Variants in PISD observed in about 807,000 individuals in gnomAD.
The protein encoded by PISD is phosphatidylserine decarboxylase proenzyme, mitochondrial.
In PISD, 31 loss-of-function variants were observed where a neutral mutation model predicts 43.5. That is an observed-to-expected ratio of 0.71 (90% CI 0.54 to 0.96). The LOEUF is 0.96. Ranked by LOEUF, PISD falls within the 40% of genes least tolerant of loss-of-function variation. PISD has a pLI of 0.00. For synonymous variants in PISD, 259 were observed against 228.7 expected, an observed-to-expected ratio of 1.13 and a Z score of -1.20; for missense variants, 523 against 548.4, an observed-to-expected ratio of 0.95 and a Z score of 0.46.
At chr22:31,654,158 C>A (rs1370796814) in intron 1 of PISD, among the ~76,000 whole-genome samples, 1 of 152,172 alleles carries the variant, frequency 6.6e-6, no homozygotes, top group Non-Finnish European at 1.5e-5. Flanking sequence ...CACCAATGCA[C>A]ACACATATCT....
At chr22:31,623,518 G>C (rs548455931) in intron 3 of PISD, among the ~76,000 whole-genome samples, 1 of 152,292 alleles carries the variant, frequency 6.6e-6, no homozygotes, top group East Asian at 1.9e-4. Flanking sequence ...CTTCTCAAAA[G>C]CTGCCTTGGC....
At chr22:31,633,219 G>A (rs935512991) in intron 3 of PISD, among the ~76,000 whole-genome samples, 17 of 152,122 alleles carry the variant, frequency 1.1e-4, no homozygotes, top group African/African-American at 3.6e-4. Flanking sequence ...CCCTGGGGAC[G>A]GAACAAAACC....
intron 1 of PISD, among the ~76,000 whole-genome samples, chr22:31,658,752 C>G (rs1031088174): frequency 6.6e-6 from 1 of 151,868 alleles, no homozygotes; most frequent in Non-Finnish European, 1.5e-5. Flanking sequence ...AGGTTGGTCT[C>G]GAACTCTTGG....
At chr22:31,637,143 TAAAAAAAAA>T (rs1170100945) in intron 3 of PISD, among the ~76,000 whole-genome samples, 725 of 31,288 alleles carry the variant, frequency 0.023, 21 homozygotes, top group Middle Eastern at 0.043. Flanking sequence ...ATAAATAAAT[TAAAAAAAAA>T]AAAAAAAAAA....
rs1184421594 is a variant in PISD at position 31,637,161 on chromosome 22, AAAAATATATATATATATATATAT to A, written c.321+10917_321+10939del. 5.7e-3 allele frequency among the ~76,000 whole-genome samples: 133 copies of A among 23,318 alleles called. 3 individuals are homozygous for A. In the East Asian group the frequency reaches 0.06, roughly 10 times the overall value. The allele number at this position is 23,318 out of a possible 152,430, so 15.3% of individuals were successfully genotyped here. A position where few individuals can be genotyped will look rare whatever the true frequency, so the allele number is the denominator to read the frequency against. Reference sequence around the variant, plus strand: ...AATAAATTAAAAAAAAAAAAAAAAAAAAAATATATATATATATATATATATATATATATATATATATATATAGA... The same window carrying A: ...AATAAATTAAAAAAAAAAAAAAAAAAATATATATATATATATATATATAGA... On this transcript the variant is annotated intron_variant, in intron 3 of 7. Coordinates refer to ENST00000439502, the MANE Select transcript of PISD (RefSeq NM_001326411.2).
chr22:31,623,597 C>T (rs887353700), intron 3 of PISD: 4 of 1,315,012 alleles, frequency 3.0e-6, no homozygotes, highest in Non-Finnish European at 4.2e-6. Flanking sequence ...CTTCTGACAG[C>T]TCGCCACCAC....
intron 3 of PISD, chr22:31,625,856 C>T: frequency 6.4e-7 from 1 of 1,573,354 alleles, no homozygotes. Context: ...CACTCGATCA[C>T]TCCCTTTGTT....
intron 1 of PISD, among the ~76,000 whole-genome samples, chr22:31,659,545 A>G (rs556397161): frequency 6.6e-6 from 1 of 151,982 alleles, no homozygotes; most frequent in Admixed American, 6.6e-5. Context: ...CAGAGCCCCA[A>G]CTTATATCTA....
In PISD at chr22:31,618,510, T is replaced by TATTTC; in HGVS notation, c.*1097_*1101dup. On this transcript the variant is annotated 3_prime_UTR_variant, in exon 8 of 8. Coordinates refer to ENST00000439502, the MANE Select transcript of PISD (RefSeq NM_001326411.2). ...ACACAGTTTTAAGTTTGATTTTTTT[T>TATTTC]ATTTCAAAATGCTTTGCAATTAAAT... The TATTTC allele has an allele frequency of 8.0e-7, 1 of 1,242,990 alleles. No homozygotes were observed. Among genetic ancestry groups the TATTTC allele is most frequent in the Non-Finnish European group, 1.1e-6 (1 of 944,094 alleles). 77.0% of individuals were successfully genotyped at this position (1,242,990 alleles called of 1,614,324 possible).
intron 3 of PISD, chr22:31,629,242 G>GGTGCATGTAGGTGGAAGTGTGT: frequency 1.0e-6 from 1 of 985,086 alleles, no homozygotes; most frequent in Non-Finnish European, 1.2e-6. Flanking sequence ...GTGAGGGGTA[G>GGTGCATGTAGGTGGAAGTGTGT]GTGCATGTAG....
chr22:31,645,620 C>T (rs1263876271), intron 3 of PISD, among the ~76,000 whole-genome samples: 2 of 146,798 alleles, frequency 1.4e-5, no homozygotes, highest in African/African-American at 4.9e-5. Flanking sequence ...TCAGGTGATC[C>T]ACCCGCCTCA....
At chr22:31,628,099 G>C in intron 3 of PISD, 1 of 985,516 alleles carries the variant, frequency 1.0e-6, no homozygotes. Context: ...CCGAGACCAG[G>C]GTGTCAGTGC....
chr22:31,628,562 T>C lies in PISD; in HGVS notation c.322-6677A>G, dbSNP rs538594364. On this transcript the variant is annotated intron_variant, in intron 3 of 7. Coordinates refer to ENST00000439502, the MANE Select transcript of PISD (RefSeq NM_001326411.2). Reference sequence around the variant, plus strand: ...TGTCACTACATGGCCTAAGGGCCAGTCACCTGCAACATGAGAACTCAGAGG... The same window carrying C: ...TGTCACTACATGGCCTAAGGGCCAGCCACCTGCAACATGAGAACTCAGAGG... Among the ~76,000 whole-genome samples, 7 of 152,356 alleles carry C rather than the reference T, an allele frequency of 4.6e-5. No individual in the cohort carries two copies. The South Asian group carries it at 1.4e-3, about 32-fold the overall frequency.
intron 3 of PISD, among the ~76,000 whole-genome samples, chr22:31,645,870 A>AT (rs1556423861): frequency 6.7e-6 from 1 of 149,510 alleles, no homozygotes; most frequent in Non-Finnish European, 1.5e-5. Flanking sequence ...AAAAAAAAAA[A>AT]GAAAAGAAAA....
At chr22:31,631,619 C>T (rs1466507246) in intron 3 of PISD, among the ~76,000 whole-genome samples, 1 of 152,190 alleles carries the variant, frequency 6.6e-6, no homozygotes, top group Non-Finnish European at 1.5e-5. Context: ...CCCTAGTCTG[C>T]GGCTTGGCAG....
chr22:31,636,249 T>C (rs765161749), intron 3 of PISD, among the ~76,000 whole-genome samples: 1 of 152,062 alleles, frequency 6.6e-6, no homozygotes, highest in Non-Finnish European at 1.5e-5. Flanking sequence ...TCTGTCTTTA[T>C]TCCTTTTGAT....
chr22:31,643,148 G>A (rs2073787601), intron 3 of PISD, among the ~76,000 whole-genome samples: 1 of 150,180 alleles, frequency 6.7e-6, no homozygotes, highest in Non-Finnish European at 1.5e-5. Context: ...GGAAGTGAAT[G>A]CATAAAAAAC....
At chr22:31,657,012 T>C (rs984068749) in intron 1 of PISD, among the ~76,000 whole-genome samples, 2 of 152,208 alleles carry the variant, frequency 1.3e-5, no homozygotes, top group African/African-American at 4.8e-5. Flanking sequence ...TATATATCTA[T>C]GTGTTACATG....
chr22:31,631,463 G>A (rs12627933), intron 3 of PISD, among the ~76,000 whole-genome samples: 31,544 of 152,152 alleles, frequency 0.21, 3,544 homozygotes, highest in East Asian at 0.4. Context: ...CTCCAAAACT[G>A]ATGTAGACCA....
Sources: allele counts gnomAD v4.1 joint callset (sites outside exome capture counted in the v4.1 genomes callset), GRCh38; gene constraint gnomAD v4.1.1; transcripts MANE v1.5; gene names NCBI Gene and HGNC (gene_info 2026-07-23, HGNC 2026-07-21).